Variants in LIPA observed in about 807,000 individuals in gnomAD.
The protein encoded by LIPA is lysosomal acid lipase/cholesteryl ester hydrolase.
LIPA carries 26 observed loss-of-function variants against 40.6 expected under a neutral mutation model. That is an observed-to-expected ratio of 0.64 (90% CI 0.47 to 0.89). The LOEUF (loss-of-function observed/expected upper bound fraction) is 0.89. Ranked by LOEUF, LIPA falls within the 40% of genes least tolerant of loss-of-function variation. The pLI is 0.00. For synonymous variants in LIPA, 188 were observed against 168.4 expected, an observed-to-expected ratio of 1.12 and a Z score of -0.90; for missense variants, 455 against 479.6, an observed-to-expected ratio of 0.95 and a Z score of 0.48.
chr10:89,300,848 G>A lies in LIPA; in HGVS notation c.-2+41763C>T, dbSNP rs568150869. On this transcript the variant is annotated intron_variant, in intron 1 of 5. Transcript: ENST00000282673. ...CTAAAAATACAAAAATTAGCCGGGC[G>A]TGGTGGTGCGTGCCTGTAATCCCAG... Among the ~76,000 whole-genome samples the A allele has an allele frequency of 5.9e-5, 9 of 152,210 alleles. No individual in the cohort carries two copies. In the East Asian group the frequency reaches 7.7e-4, roughly 13 times the overall value.
chr10:89,233,813 C>T (rs1334204616), intron 3 of LIPA, among the ~76,000 whole-genome samples: 8 of 152,102 alleles, frequency 5.3e-5, no homozygotes, highest in Non-Finnish European at 1.2e-4. Flanking sequence ...TTGTGGTCAG[C>T]CAAGATCGCA....
At chr10:89,264,403 AC>A (rs1843224941) in intron 1 of LIPA, among the ~76,000 whole-genome samples, 1 of 151,898 alleles carries the variant, frequency 6.6e-6, no homozygotes, top group African/African-American at 2.4e-5. Context: ...AGGAGAGGAG[AC>A]CCCCAGTGGG....
upstream of LIPA, chr10:89,251,966 A>C (rs568598472): frequency 6.5e-6 from 1 of 152,744 alleles, no homozygotes; most frequent in Non-Finnish European, 1.5e-5. Flanking sequence ...TTGACCCCAT[A>C]GAGCATGCGC....
At chr10:89,302,099 A>C in intron 1 of LIPA, 1 of 1,613,918 alleles carries the variant, frequency 6.2e-7, no homozygotes, top group Non-Finnish European at 8.5e-7. Flanking sequence ...AGCCCTGCCG[A>C]ACAGCTGAGA....
intron 1 of LIPA, among the ~76,000 whole-genome samples, chr10:89,333,153 G>A (rs530353522): frequency 5.6e-4 from 86 of 152,230 alleles, no homozygotes; most frequent in Non-Finnish European, 1.0e-3. Context: ...GTCTACTTGA[G>A]TTGTCCTCTA....
At chr10:89,309,874 A>T (rs573682980) in intron 1 of LIPA, among the ~76,000 whole-genome samples, 1 of 152,288 alleles carries the variant, frequency 6.6e-6, no homozygotes, top group African/African-American at 2.4e-5. Context: ...TTTTAGCCAC[A>T]TTTCCCGGGG....
chr10:89,383,962 G>C (rs1459623949), intron 2 of LIPA: 1 of 1,614,220 alleles, frequency 6.2e-7, no homozygotes, highest in Non-Finnish European at 8.5e-7. Context: ...TCCAGATGAT[G>C]TATATATTAG....
At chr10:89,248,449 T>TTA (rs1564765973) in intron 1 of LIPA, among the ~76,000 whole-genome samples, 7 of 34,440 alleles carry the variant, frequency 2.0e-4, no homozygotes, top group South Asian at 1.4e-3. Flanking sequence ...TTTATATTTA[T>TTA]TTATTTATTT....
intron 1 of LIPA, chr10:89,339,663 T>G (rs1373361794): frequency 6.2e-7 from 1 of 1,614,230 alleles, no homozygotes; most frequent in South Asian, 1.1e-5. Context: ...CCGATCTCGC[T>G]GAGTTCCTGG....
chr10:89,288,907 A>C (rs1213375125), intron 1 of LIPA, among the ~76,000 whole-genome samples: 1 of 121,948 alleles, frequency 8.2e-6, no homozygotes, highest in Non-Finnish European at 1.7e-5. Context: ...CTCACTACGC[A>C]AGGGTCCTCC....
chr10:89,347,410 C>G (rs1198363073), upstream of LIPA, among the ~76,000 whole-genome samples: 1 of 152,162 alleles, frequency 6.6e-6, no homozygotes, highest in Non-Finnish European at 1.5e-5. Context: ...ACAGTCTTAG[C>G]ATAGTAAGCC....
intron 1 of LIPA, among the ~76,000 whole-genome samples, chr10:89,290,616 C>A (rs571559122): frequency 1.3e-5 from 2 of 152,328 alleles, no homozygotes; most frequent in East Asian, 1.9e-4. Flanking sequence ...CCTGTCCCTG[C>A]CTTAACTGAT....
intron 2 of LIPA, among the ~76,000 whole-genome samples, chr10:89,368,152 A>G (rs913187626): frequency 9.2e-5 from 14 of 152,208 alleles, no homozygotes; most frequent in African/African-American, 3.4e-4. Context: ...ATTGGGCTGC[A>G]TATGAGTGCT....
intron 1 of LIPA, among the ~76,000 whole-genome samples, chr10:89,328,840 G>A (rs771412327): frequency 7.9e-4 from 120 of 152,296 alleles, no homozygotes; most frequent in Middle Eastern, 3.4e-3. Context: ...TGGTTGCCTG[G>A]AGATGGTGGG....
chr10:89,377,689 C>T (rs1844132125), intron 2 of LIPA, among the ~76,000 whole-genome samples: 1 of 152,178 alleles, frequency 6.6e-6, no homozygotes, highest in Non-Finnish European at 1.5e-5. Context: ...GTAGACGTCC[C>T]TGGAACCACC....
At chr10:89,370,958 C>T (rs1267611268) in intron 2 of LIPA, among the ~76,000 whole-genome samples, 3 of 152,218 alleles carry the variant, frequency 2.0e-5, no homozygotes, top group Admixed American at 2.0e-4. Context: ...GCAGAGACTG[C>T]AGGGAGCCGA....
At chr10:89,320,435 G>A (rs112183499) in intron 1 of LIPA, among the ~76,000 whole-genome samples, 1 of 152,130 alleles carries the variant, frequency 6.6e-6, no homozygotes, top group Admixed American at 6.5e-5. Flanking sequence ...CAGACAAACA[G>A]AGAGCCAAAT....
chr10:89,247,846 T>TTTATTTATTTA (rs1554869397), intron 1 of LIPA, 197 bp from the exon 2 acceptor site: 1 of 163,836 alleles, frequency 6.1e-6, no homozygotes, highest in African/African-American at 2.6e-5. Context: ...TTTATTTTTA[T>TTTATTTATTTA]TTTATTTATT....
chr10:89,371,541 GA>G (rs1377444812), intron 2 of LIPA, among the ~76,000 whole-genome samples: 3 of 152,136 alleles, frequency 2.0e-5, no homozygotes, highest in African/African-American at 7.2e-5. Flanking sequence ...TGTCTCCCAC[GA>G]GACAGCAAAC....
Sources: allele counts gnomAD v4.1 joint callset (sites outside exome capture counted in the v4.1 genomes callset), GRCh38; gene constraint gnomAD v4.1.1; transcripts MANE v1.5; gene names NCBI Gene and HGNC (gene_info 2026-07-23, HGNC 2026-07-21).